The following PROM1 variants were observed in gnomAD, a reference collection of about 807,000 sequenced individuals.
The protein encoded by PROM1 is prominin-1.
A neutral mutation model predicts 116.9 loss-of-function variants in PROM1; 105 were observed. That is an observed-to-expected ratio of 0.90 (90% CI 0.77 to 1.06). The LOEUF (loss-of-function observed/expected upper bound fraction) is 1.06. Among genes scored for constraint, PROM1 ranks in the 50% least tolerant of loss-of-function variants. PROM1 has a pLI of 0.00. For synonymous variants in PROM1, 393 were observed against 387.0 expected (o/e 1.02, Z -0.18); for missense variants, 1,122 against 1,045.2 (o/e 1.07, Z -1.01).
At chr4:15,975,731 C>A (rs1309904856) in intron 26 of PROM1, among the ~76,000 whole-genome samples, 1 of 152,154 alleles carries the variant, frequency 6.6e-6, no homozygotes, top group Non-Finnish European at 1.5e-5. Context: ...GCAAATAAAC[C>A]AAATCAAAAC....
chr4:15,992,974 G>C (rs575698443), intron 16 of PROM1, among the ~76,000 whole-genome samples: 1 of 152,198 alleles, frequency 6.6e-6, no homozygotes, highest in Non-Finnish European at 1.5e-5. Flanking sequence ...GTGCCTGCAC[G>C]TCCCAGGCAA....
intron 2 of PROM1, among the ~76,000 whole-genome samples, chr4:16,073,677 A>G (rs1560622628): frequency 6.6e-6 from 1 of 152,192 alleles, no homozygotes; most frequent in Non-Finnish European, 1.5e-5. Context: ...CTCCAAGGTA[A>G]TAAGTATTGA....
intron 17 of PROM1, among the ~76,000 whole-genome samples, chr4:15,991,999 G>C (rs1721168078): frequency 1.3e-5 from 2 of 151,502 alleles, no homozygotes; most frequent in South Asian, 4.2e-4. Flanking sequence ...CCAAGGGTTT[G>C]GGGAGGAGGA....
At chr4:16,025,719 GCACACACACACA>G (rs139033375) in intron 5 of PROM1, among the ~76,000 whole-genome samples, 1 of 150,160 alleles carries the variant, frequency 6.7e-6, no homozygotes, top group Non-Finnish European at 1.5e-5. Context: ...ACACACACAC[GCACACACACACA>G]CACACACACT....
intron 21 of PROM1, 59 bp downstream of exon 21, chr4:15,985,898 A>AATACAGATAAAAATATTTC (rs1719259277): frequency 1.4e-4 from 18 of 128,528 alleles, no homozygotes; most frequent in Non-Finnish European, 2.2e-4. Context: ...ATAAATATTT[A>AATACAGATAAAAATATTTC]ATCTGTAACA....
At chr4:16,041,597 T>C (rs1469474196) in intron 2 of PROM1, among the ~76,000 whole-genome samples, 3 of 151,678 alleles carry the variant, frequency 2.0e-5, no homozygotes, top group Non-Finnish European at 4.4e-5. Flanking sequence ...GGCAACTGGG[T>C]AACATAGTGA....
chr4:16,004,983 A>ATTT (rs1725031383), intron 13 of PROM1, among the ~76,000 whole-genome samples: 1 of 45,092 alleles, frequency 2.2e-5, no homozygotes, highest in Non-Finnish European at 4.5e-5. Flanking sequence ...TTTTTTTTTG[A>ATTT]CAGAGTCTCA....
chr4:16,042,067 G>C (rs1008857057), intron 2 of PROM1, among the ~76,000 whole-genome samples: 9 of 152,022 alleles, frequency 5.9e-5, no homozygotes, highest in African/African-American at 2.2e-4. Flanking sequence ...TCTCACCTTG[G>C]CCTCCCAAAG....
chr4:16,052,571 G>A (rs1039075686), intron 2 of PROM1, among the ~76,000 whole-genome samples: 1 of 152,120 alleles, frequency 6.6e-6, no homozygotes, highest in South Asian at 2.1e-4. Context: ...TAACCTCCCT[G>A]GGCTCAGGTG....
At chr4:15,987,958 G>A (rs1478350281) in intron 19 of PROM1, among the ~76,000 whole-genome samples, 1 of 146,718 alleles carries the variant, frequency 6.8e-6, no homozygotes, top group Non-Finnish European at 1.5e-5. Flanking sequence ...CTCACTGCAA[G>A]CTCCGCCTCC....
chr4:15,991,605 T>G (rs1721006941), intron 17 of PROM1, among the ~76,000 whole-genome samples: 1 of 151,868 alleles, frequency 6.6e-6, no homozygotes, highest in Non-Finnish European at 1.5e-5. Flanking sequence ...CTTTTTTTTT[T>G]TTTTTACTAC....
chr4:16,032,183 C>T (rs1238616870), intron 5 of PROM1, among the ~76,000 whole-genome samples: 1 of 150,878 alleles, frequency 6.6e-6, no homozygotes, highest in African/African-American at 2.4e-5. Context: ...CCATGTTCTA[C>T]ACATGGTCTG....
intron 16 of PROM1, among the ~76,000 whole-genome samples, chr4:15,993,300 T>C (rs1421396594): frequency 6.6e-6 from 1 of 152,172 alleles, no homozygotes; most frequent in Admixed American, 6.5e-5. Flanking sequence ...GTCTAGATTC[T>C]TTCTGGCAGA....
intron 10 of PROM1, among the ~76,000 whole-genome samples, chr4:16,015,880 G>C (rs1578040045): frequency 6.6e-6 from 1 of 152,042 alleles, no homozygotes; most frequent in Admixed American, 6.5e-5. Flanking sequence ...TCAGTGTGGG[G>C]TTCAACATCA....
intron 26 of PROM1, chr4:15,971,411 C>A (rs756550500): frequency 1.8e-4 from 40 of 227,528 alleles, no homozygotes; most frequent in Non-Finnish European, 2.7e-4. Context: ...CACAGCAGTA[C>A]ACATGTCTAC....
chr4:15,976,404 T>C (rs1156679562), intron 26 of PROM1, among the ~76,000 whole-genome samples: 1 of 152,244 alleles, frequency 6.6e-6, no homozygotes, highest in Non-Finnish European at 1.5e-5. Context: ...ACAACCTTCT[T>C]GAGCCTAGAG....
intron 10 of PROM1, among the ~76,000 whole-genome samples, chr4:16,014,243 A>G (rs1028039356): frequency 1.3e-5 from 2 of 152,252 alleles, no homozygotes; most frequent in African/African-American, 2.4e-5. Flanking sequence ...TAGCCTAGCT[A>G]CATCAGATGT....
chr4:15,980,399 T>G, intron 24 of PROM1, 23 bp downstream of exon 24: 2 of 1,460,026 alleles, frequency 1.4e-6, no homozygotes, highest in Non-Finnish European at 1.9e-6. Context: ...GACCCCCACG[T>G]CTGTGGAAGC....
chr4:15,974,118 T>TCTCTCTCTC (rs1715450315), intron 26 of PROM1, among the ~76,000 whole-genome samples: 1 of 149,360 alleles, frequency 6.7e-6, no homozygotes, highest in Non-Finnish European at 1.5e-5. Context: ...CTCTCTCTCT[T>TCTCTCTCTC]TCTCTCTCTC....
Sources: gnomAD v4.1 joint callset for allele counts (sites outside exome capture counted in the v4.1 genomes callset) on GRCh38, gnomAD v4.1.1 for gene constraint, MANE v1.5 for transcripts, NCBI Gene and HGNC (gene_info 2026-07-23, HGNC 2026-07-21) for gene names.